The following RHEB variants were observed in gnomAD, a reference collection of about 807,000 sequenced individuals.
RHEB encodes the protein Ras homolog, mTORC1 binding, also known as GTP-binding protein Rheb.
RHEB carries 2 observed loss-of-function variants against 28.8 expected under a neutral mutation model. The ratio of observed to expected loss-of-function variants is 0.07; its 90% CI spans 0.03 to 0.22. The LOEUF is 0.22. Among genes scored for constraint, RHEB ranks in the 10% least tolerant of loss-of-function variants. The pLI, the probability that RHEB is intolerant of heterozygous loss-of-function variation, is 1.00. For missense variants in RHEB, 76 were observed against 219.9 expected (o/e 0.35, Z 4.14); for synonymous variants, 69 against 77.3 (o/e 0.89, Z 0.56).
At chr7:151,512,155 T>C (rs1321331342) in intron 1 of RHEB, among the ~76,000 whole-genome samples, 1 of 152,226 alleles carries the variant, frequency 6.6e-6, no homozygotes, top group Non-Finnish European at 1.5e-5. Context: ...ATACTCTCAC[T>C]TGCACAATCA....
At chr7:151,492,838 A>ATTT (rs538597333) in intron 1 of RHEB, among the ~76,000 whole-genome samples, 46,549 of 124,892 alleles carry the variant, frequency 0.37, 10,852 homozygotes, top group South Asian at 0.57. Flanking sequence ...AATTCTCAAC[A>ATTT]TTTTTTTTTT....
chr7:151,515,176 G>A (rs1242549699), intron 1 of RHEB, among the ~76,000 whole-genome samples: 1 of 151,846 alleles, frequency 6.6e-6, no homozygotes, highest in African/African-American at 2.4e-5. Context: ...TAAACAGGAA[G>A]AAGCGACATA....
At chr7:151,505,864 T>G (rs1802863771) in intron 1 of RHEB, among the ~76,000 whole-genome samples, 2 of 152,128 alleles carry the variant, frequency 1.3e-5, no homozygotes, top group African/African-American at 4.8e-5. Context: ...CTCAAAAACA[T>G]TATGCTAACT....
Position 151,470,568 on chromosome 7 carries a change from T to C in RHEB, c.462+3A>G, listed in dbSNP as rs1802144218. The stretch of plus-strand genomic sequence containing the variant: ...GCAAAATGAGGTTTATAGAATCTGT[T>C]ACCTGATTTTCTTTAGCAGAAGATT... On this transcript the variant is annotated splice_donor_region_variant and intron_variant, in intron 7 of 7. Coordinates refer to ENST00000262187, the MANE Select transcript of RHEB (RefSeq NM_005614.4). 2 of 1,601,434 alleles carry C rather than the reference T, an allele frequency of 1.2e-6. No individual in the cohort carries two copies. Among genetic ancestry groups the C allele is most frequent in the Non-Finnish European group, 1.7e-6 (2 of 1,168,810 alleles).
At position 151,466,336 on chromosome 7, in the gene RHEB, T is replaced by C. The variant is rs1802059886; in HGVS notation, c.*783A>G. On this transcript the variant is annotated 3_prime_UTR_variant, in exon 8 of 8. Coordinates refer to ENST00000262187, the MANE Select transcript of RHEB (RefSeq NM_005614.4). Reference sequence around the variant, plus strand: ...AATCATCTCCTGTCTGACACGGACATCGAGCTAAGCTATGAGCAAGGGCGA... The same window carrying C: ...AATCATCTCCTGTCTGACACGGACACCGAGCTAAGCTATGAGCAAGGGCGA... 6.6e-6 allele frequency: 1 copy of C among 152,288 alleles called. No homozygotes were observed. The highest frequency in any genetic ancestry group is 1.5e-5 in the Non-Finnish European group (1 of 68,096). The allele number at this position is 152,288 out of a possible 1,614,324, so 9.4% of individuals were successfully genotyped here.
chr7:151,494,467 T>C (rs1222951288), intron 1 of RHEB, among the ~76,000 whole-genome samples: 1 of 152,186 alleles, frequency 6.6e-6, no homozygotes, highest in African/African-American at 2.4e-5. Context: ...AGAGAAGAGC[T>C]CCTTATTTGT....
At chr7:151,511,560 C>T (rs1461376495) in intron 1 of RHEB, among the ~76,000 whole-genome samples, 12 of 151,806 alleles carry the variant, frequency 7.9e-5, no homozygotes, top group Non-Finnish European at 1.8e-4. Flanking sequence ...AGCTCCAATC[C>T]TACAGGAACT....
intron 3 of RHEB, among the ~76,000 whole-genome samples, chr7:151,483,311 T>C (rs1435936176): frequency 6.6e-6 from 1 of 152,224 alleles, no homozygotes; most frequent in Non-Finnish European, 1.5e-5. Flanking sequence ...ACAGGTCATA[T>C]TATTCTGGGT....
In RHEB at chr7:151,508,420, T is replaced by C. The variant is rs138162916; in HGVS notation, c.52+11040A>G. ...TGTCTAATATGGCAGCCAGTAGCCA[T>C]ACATGGACAGTAAGTACCTGAAATG... On this transcript the variant is annotated intron_variant, in intron 1 of 7. Coordinates refer to ENST00000262187, the MANE Select transcript of RHEB (RefSeq NM_005614.4). 2.2e-4 allele frequency among the ~76,000 whole-genome samples: 34 copies of C among 152,324 alleles called. No individual in the cohort carries two copies. In the East Asian group the frequency reaches 6.6e-3, roughly 29 times the overall value.
intron 1 of RHEB, among the ~76,000 whole-genome samples, chr7:151,495,111 T>A (rs768320078): frequency 6.6e-6 from 1 of 152,212 alleles, no homozygotes; most frequent in Non-Finnish European, 1.5e-5. Flanking sequence ...CTCAATAACT[T>A]CATATATTTA....
intron 1 of RHEB, among the ~76,000 whole-genome samples, chr7:151,496,300 T>A (rs898110206): frequency 2.0e-5 from 3 of 152,174 alleles, no homozygotes; most frequent in African/African-American, 7.2e-5. Context: ...GCTGTTCCTC[T>A]GGCACCTGCC....
At chr7:151,499,219 G>A (rs1301616159) in intron 1 of RHEB, among the ~76,000 whole-genome samples, 10 of 152,156 alleles carry the variant, frequency 6.6e-5, no homozygotes, top group South Asian at 6.2e-4. Context: ...ATAGCTGGGC[G>A]TGGTGGCACG....
At chr7:151,473,996 C>T (rs1802218092) in intron 4 of RHEB, among the ~76,000 whole-genome samples, 1 of 152,154 alleles carries the variant, frequency 6.6e-6, no homozygotes, top group Admixed American at 6.5e-5. Flanking sequence ...GAAACCGAAC[C>T]AGAAGTCATA....
chr7:151,481,690 A>G (rs1333205602), intron 3 of RHEB, among the ~76,000 whole-genome samples: 2 of 152,236 alleles, frequency 1.3e-5, no homozygotes, highest in Non-Finnish European at 2.9e-5. Flanking sequence ...ACCTTCAAGA[A>G]CTACTAGTTG....
At chr7:151,506,300 T>G (rs1431304792) in intron 1 of RHEB, among the ~76,000 whole-genome samples, 3 of 151,964 alleles carry the variant, frequency 2.0e-5, no homozygotes, top group Admixed American at 6.6e-5. Flanking sequence ...TCCTCTCACC[T>G]TGGTCTCTCA....
chr7:151,517,369 G>GAA (rs1563103629), intron 1 of RHEB, among the ~76,000 whole-genome samples: 3 of 52,050 alleles, frequency 5.8e-5, no homozygotes, highest in African/African-American at 1.2e-4. Context: ...ACTCCGTCTC[G>GAA]GAAAAAAAAA....
In RHEB at chr7:151,471,411, T is replaced by C. The variant is rs371875899; in HGVS notation, c.363A>G (p.Lys121=). The C allele has an allele frequency of 1.9e-5, 30 of 1,577,290 alleles. No homozygotes were observed. Among genetic ancestry groups the C allele is most frequent in the Non-Finnish European group, 2.6e-5 (30 of 1,148,988 alleles). ...CTACATACCTTTCCATATGCAGGTC[T>C]TTCTTATTCCCAACCAACATAATAG... ...QIPIMLVGNK[K]DLHMERVISY... Residue 121 remains lysine, a synonymous_variant, in exon 6 of 8, where the codon AAA becomes AAG. Coordinates refer to ENST00000262187, the MANE Select transcript of RHEB (RefSeq NM_005614.4).
intron 1 of RHEB, among the ~76,000 whole-genome samples, chr7:151,506,619 C>T (rs752109653): frequency 4.6e-5 from 7 of 152,214 alleles, no homozygotes; most frequent in South Asian, 2.1e-4. Flanking sequence ...AAAGTATTTT[C>T]GGAATTATAT....
chr7:151,513,498 T>C (rs1157147126), intron 1 of RHEB, among the ~76,000 whole-genome samples: 2 of 152,210 alleles, frequency 1.3e-5, no homozygotes, highest in Non-Finnish European at 2.9e-5. Flanking sequence ...AAATGTGATT[T>C]TTAAAAATGC....
Sources: gnomAD v4.1 joint callset for allele counts (sites outside exome capture counted in the v4.1 genomes callset) on GRCh38, gnomAD v4.1.1 for gene constraint, MANE v1.5 for transcripts, NCBI Gene and HGNC (gene_info 2026-07-23, HGNC 2026-07-21) for gene names.